KLHL7: variants seen among roughly 807,000 people sequenced by gnomAD.
The protein encoded by KLHL7 is kelch-like protein 7.
Under a neutral mutation model 67.4 loss-of-function variants are expected in KLHL7, and 44 were observed. The ratio of observed to expected loss-of-function variants is 0.65; its 90% CI spans 0.51 to 0.84. The LOEUF is 0.84. Ranked by LOEUF, KLHL7 falls within the 40% of genes least tolerant of loss-of-function variation. The pLI is 0.00. For synonymous variants in KLHL7, 252 were observed against 243.3 expected, an observed-to-expected ratio of 1.04 and a Z score of -0.33; for missense variants, 362 against 718.1, an observed-to-expected ratio of 0.50 and a Z score of 5.67.
intron 1 of KLHL7, among the ~76,000 whole-genome samples, chr7:23,114,014 A>G (rs548343644): frequency 5.8e-4 from 89 of 152,374 alleles, no homozygotes; most frequent in Non-Finnish European, 6.5e-4. Context: ...GAAATGAGGC[A>G]TCTTGAGCTC....
chr7:23,118,513 A>C (rs1426141733), intron 1 of KLHL7, among the ~76,000 whole-genome samples: 1 of 152,180 alleles, frequency 6.6e-6, no homozygotes, highest in Non-Finnish European at 1.5e-5. Flanking sequence ...CCTAGGAAAG[A>C]AGAATGAGCC....
intron 9 of KLHL7, among the ~76,000 whole-genome samples, chr7:23,169,042 C>G (rs894580682): frequency 6.6e-6 from 1 of 152,118 alleles, no homozygotes; most frequent in African/African-American, 2.4e-5. Flanking sequence ...AGGCAGATCA[C>G]TTGAGGTCAG....
At chr7:23,172,109 G>A (rs370959683) in intron 9 of KLHL7, 31 of 454,708 alleles carry the variant, frequency 6.8e-5, no homozygotes, top group East Asian at 3.5e-4. Flanking sequence ...GTTGTTTGGC[G>A]TCTCTTGGTT....
chr7:23,168,142 G>A lies in KLHL7; in HGVS notation c.1379+105G>A, dbSNP rs76587328. On this transcript the variant is annotated intron_variant, in intron 9 of 10. Transcript: ENST00000339077. ...CCCAACAGAAGAATTTTGTCCTTGAGTGAAGAGTGTATATAAACTTTTGAG... is the reference window on the plus strand; with the variant it reads ...CCCAACAGAAGAATTTTGTCCTTGAATGAAGAGTGTATATAAACTTTTGAG... 1.8e-3 allele frequency: 1,935 copies of A among 1,062,794 alleles called. 28 individuals are homozygous for A. In the African/African-American group the frequency reaches 0.026, roughly 14 times the overall value. 65.8% of individuals were successfully genotyped at this position (1,062,794 alleles called of 1,614,324 possible). A position where few individuals can be genotyped will look rare whatever the true frequency, so the allele number is the denominator to read the frequency against.
chr7:23,114,138 A>G (rs1413033111), intron 1 of KLHL7, among the ~76,000 whole-genome samples: 2 of 152,190 alleles, frequency 1.3e-5, no homozygotes, highest in Admixed American at 1.3e-4. Flanking sequence ...GTTGAGGGCT[A>G]CCTTGTTGTA....
chr7:23,148,587 A>G (rs1784436123), intron 6 of KLHL7, among the ~76,000 whole-genome samples: 1 of 152,216 alleles, frequency 6.6e-6, no homozygotes, highest in South Asian at 2.1e-4. Context: ...GATTTTGTAC[A>G]TGCTAGTATC....
chr7:23,109,383 C>T (rs181071387), intron 1 of KLHL7, among the ~76,000 whole-genome samples: 25 of 152,358 alleles, frequency 1.6e-4, no homozygotes, highest in Admixed American at 5.9e-4. Context: ...TGCACATGCA[C>T]ATTGCTGTTG....
chr7:23,145,565 G>A (rs915085360), intron 6 of KLHL7, among the ~76,000 whole-genome samples: 2 of 152,094 alleles, frequency 1.3e-5, no homozygotes, highest in African/African-American at 4.8e-5. Context: ...CAGTTCTTGG[G>A]CTAAACTGTA....
intron 6 of KLHL7, among the ~76,000 whole-genome samples, chr7:23,146,140 G>A (rs1428727784): frequency 6.6e-6 from 1 of 152,208 alleles, no homozygotes; most frequent in Non-Finnish European, 1.5e-5. Context: ...AGTGGTACAG[G>A]TACAGTGGGT....
intron 1 of KLHL7, among the ~76,000 whole-genome samples, chr7:23,117,262 A>G (rs1783131034): frequency 6.6e-6 from 1 of 151,502 alleles, no homozygotes; most frequent in Non-Finnish European, 1.5e-5. Flanking sequence ...TAATTTTTGT[A>G]TTTTTAGTAG....
At chr7:23,127,880 CA>C (rs200063955) in intron 4 of KLHL7, among the ~76,000 whole-genome samples, 1 of 140,802 alleles carries the variant, frequency 7.1e-6, no homozygotes. Context: ...TTGGAAAAAA[CA>C]AAAAAAAACA....
intron 4 of KLHL7, among the ~76,000 whole-genome samples, chr7:23,131,020 C>T (rs959541309): frequency 6.6e-6 from 1 of 152,152 alleles, no homozygotes; most frequent in African/African-American, 2.4e-5. Context: ...ACATTGATAC[C>T]TGGTAGTGTT....
intron 8 of KLHL7, among the ~76,000 whole-genome samples, chr7:23,167,464 A>G (rs966360774): frequency 1.3e-5 from 2 of 152,202 alleles, no homozygotes; most frequent in African/African-American, 2.4e-5. Flanking sequence ...GTAAGGAACT[A>G]TTATGCTTTT....
intron 2 of KLHL7, 63 bp from the exon 3 acceptor site, chr7:23,124,625 G>T: frequency 1.0e-6 from 1 of 963,400 alleles, no homozygotes; most frequent in Non-Finnish European, 1.7e-6. Context: ...CTGGAATGCC[G>T]TGGTTCCTCA....
At chr7:23,148,407 A>C (rs1340865859) in intron 6 of KLHL7, among the ~76,000 whole-genome samples, 2 of 116,112 alleles carry the variant, frequency 1.7e-5, no homozygotes, top group African/African-American at 4.8e-5. Context: ...AAAAAAAAAA[A>C]AAACAGCAGC....
intron 7 of KLHL7, among the ~76,000 whole-genome samples, chr7:23,162,454 A>G (rs1784878645): frequency 6.6e-6 from 1 of 152,208 alleles, no homozygotes; most frequent in African/African-American, 2.4e-5. Flanking sequence ...TTCTAAGATC[A>G]TTGGATGCTA....
chr7:23,137,857 G>A (rs1160665832), intron 4 of KLHL7, among the ~76,000 whole-genome samples: 1 of 125,142 alleles, frequency 8.0e-6, no homozygotes, highest in Non-Finnish European at 1.6e-5. Context: ...ATAAACCACT[G>A]TGCCCAGCCC....
intron 6 of KLHL7, among the ~76,000 whole-genome samples, chr7:23,148,815 CTTTGTTG>C (rs1472924753): frequency 6.6e-6 from 1 of 152,186 alleles, no homozygotes; most frequent in Non-Finnish European, 1.5e-5. Context: ...GAGCAGGATG[CTTTGTTG>C]TTTAGTTTAA....
At chr7:23,109,663 C>G (rs1782784327) in intron 1 of KLHL7, among the ~76,000 whole-genome samples, 1 of 152,204 alleles carries the variant, frequency 6.6e-6, no homozygotes, top group East Asian at 1.9e-4. Context: ...ATCTGTCTGA[C>G]TGTAAATTAC....
Sources: allele counts gnomAD v4.1 joint callset (sites outside exome capture counted in the v4.1 genomes callset), GRCh38; gene constraint gnomAD v4.1.1; transcripts MANE v1.5; gene names NCBI Gene and HGNC (gene_info 2026-07-23, HGNC 2026-07-21).